CDH7: variants seen among roughly 807,000 people sequenced by gnomAD.
CDH7 encodes cadherin-7.
In CDH7, 25 loss-of-function variants were observed where a neutral mutation model predicts 71.8. The observed-to-expected ratio is 0.35, with a 90% CI of 0.25 to 0.49. The LOEUF is 0.49. CDH7 is among the 20% of genes least tolerant of loss of function. CDH7 has a pLI of 0.99. For missense variants in CDH7, 862 were observed against 974.6 expected (o/e 0.88, Z 1.54); for synonymous variants, 381 against 363.8 (o/e 1.05, Z -0.54).
intron 2 of CDH7, among the ~76,000 whole-genome samples, chr18:65,807,586 A>G (rs997571831): frequency 3.3e-5 from 5 of 152,248 alleles, no homozygotes; most frequent in Admixed American, 1.3e-4. Flanking sequence ...AGTTGCTACC[A>G]GGTGCCGCCC....
intron 11 of CDH7, 76 bp from the exon 12 acceptor site, chr18:65,880,325 C>G (rs1045939743): frequency 1.1e-4 from 154 of 1,435,934 alleles, no homozygotes; most frequent in Non-Finnish European, 1.4e-4. Context: ...ACTCAGCGTC[C>G]TAGGCCTAAT....
chr18:65,790,774 C>G (rs1215870730), intron 2 of CDH7, among the ~76,000 whole-genome samples: 1 of 152,132 alleles, frequency 6.6e-6, no homozygotes, highest in African/African-American at 2.4e-5. Context: ...GAGGCTGAGG[C>G]AAGAGAATCA....
chr18:65,849,356 TTTC>T (rs1913053438), intron 7 of CDH7, among the ~76,000 whole-genome samples: 1 of 24,524 alleles, frequency 4.1e-5, no homozygotes, highest in African/African-American at 2.4e-4. Flanking sequence ...TTTCTTTTCT[TTTC>T]TTTTCTTTTC....
intron 2 of CDH7, among the ~76,000 whole-genome samples, chr18:65,765,745 T>C (rs1286007514): frequency 1.3e-5 from 2 of 152,122 alleles, no homozygotes; most frequent in Non-Finnish European, 2.9e-5. Flanking sequence ...CTTGATCACA[T>C]AATGGATAAC....
In CDH7 at chr18:65,809,867, T is replaced by G. The variant is rs758785817; in HGVS notation, c.374T>G (p.Leu125Arg). Reference sequence around the variant, plus strand: ...TACTACACGCTCCGAGCTCAAGCGCTGGATAGGCTCACCAACAAACCCGTG... The same window carrying G: ...TACTACACGCTCCGAGCTCAAGCGCGGGATAGGCTCACCAACAAACCCGTG... ...QAYYTLRAQA[L>R]DRLTNKPVEP... The change falls in exon 3 of 12, where the codon CTG becomes CGG. Residue 125 changes from leucine to arginine, a missense_variant. By Grantham distance (102) the Leu-to-Arg change is moderately radical. Transcript: ENST00000397968. The G allele has an allele frequency of 3.1e-6, 5 of 1,614,002 alleles. No homozygotes were observed. Among genetic ancestry groups the G allele is most frequent in the Non-Finnish European group, 4.2e-6 (5 of 1,179,992 alleles).
At chr18:65,863,736 T>G (rs1220021930) in intron 11 of CDH7, 1 of 152,232 alleles carries the variant, frequency 6.6e-6, no homozygotes, top group East Asian at 1.9e-4. Context: ...CTAACACATT[T>G]AATTGTACAT....
At chr18:65,877,267 T>A (rs530628726) in intron 11 of CDH7, among the ~76,000 whole-genome samples, 43 of 152,252 alleles carry the variant, frequency 2.8e-4, no homozygotes, top group African/African-American at 1.0e-3. Context: ...TGATGTGTAT[T>A]GTACCTTAGG....
chr18:65,824,308 A>G (rs1277723794), intron 5 of CDH7, among the ~76,000 whole-genome samples: 1 of 151,862 alleles, frequency 6.6e-6, no homozygotes, highest in African/African-American at 2.4e-5. Flanking sequence ...ATATTGAATT[A>G]CATTTACTAA....
chr18:65,783,132 G>C (rs1910375835), intron 2 of CDH7, among the ~76,000 whole-genome samples: 1 of 152,150 alleles, frequency 6.6e-6, no homozygotes, highest in Non-Finnish European at 1.5e-5. Context: ...TTGAGTAGAT[G>C]AATTGCCAAA....
At chr18:65,759,751 T>A (rs1017657302) in intron 1 of CDH7, among the ~76,000 whole-genome samples, 1 of 152,170 alleles carries the variant, frequency 6.6e-6, no homozygotes, top group Non-Finnish European at 1.5e-5. Context: ...TCGTACAAAG[T>A]GGTGGAGCTT....
intron 1 of CDH7, among the ~76,000 whole-genome samples, chr18:65,758,785 C>G (rs1006940515): frequency 6.6e-6 from 1 of 152,096 alleles, no homozygotes; most frequent in Non-Finnish European, 1.5e-5. Context: ...ACTTGTTATA[C>G]GGTTAACTTT....
intron 6 of CDH7, among the ~76,000 whole-genome samples, chr18:65,834,939 T>C (rs183674043): frequency 2.6e-5 from 4 of 152,354 alleles, no homozygotes; most frequent in Admixed American, 2.0e-4. Flanking sequence ...CCTGGTGCTT[T>C]AATTTCCTTA....
intron 7 of CDH7, among the ~76,000 whole-genome samples, chr18:65,850,496 C>G (rs1180897442): frequency 6.6e-6 from 1 of 151,666 alleles, no homozygotes; most frequent in Non-Finnish European, 1.5e-5. Flanking sequence ...GGGTAGCAGG[C>G]TCTTCAGAAC....
At chr18:65,874,295 A>G (rs1333359187) in intron 11 of CDH7, among the ~76,000 whole-genome samples, 1 of 152,220 alleles carries the variant, frequency 6.6e-6, no homozygotes, top group African/African-American at 2.4e-5. Context: ...GTTTTAGGCT[A>G]GGAAAAAACC....
At chr18:65,837,517 T>G (rs1912572335) in intron 6 of CDH7, among the ~76,000 whole-genome samples, 3 of 152,198 alleles carry the variant, frequency 2.0e-5, no homozygotes, top group African/African-American at 4.8e-5. Flanking sequence ...TCCTTGATGG[T>G]AAAATTTCAT....
intron 7 of CDH7, among the ~76,000 whole-genome samples, chr18:65,852,887 G>A (rs1913200640): frequency 6.6e-6 from 1 of 152,138 alleles, no homozygotes; most frequent in Non-Finnish European, 1.5e-5. Context: ...ATCCTGCAAA[G>A]AGAAAAGTTC....
chr18:65,771,788 TTC>T (rs1271647476), intron 2 of CDH7, among the ~76,000 whole-genome samples: 1 of 152,134 alleles, frequency 6.6e-6, no homozygotes, highest in East Asian at 1.9e-4. Flanking sequence ...GAGAATTACC[TTC>T]TGTCCTTTTG....
intron 2 of CDH7, among the ~76,000 whole-genome samples, chr18:65,785,860 A>C (rs184221682): frequency 3.5e-4 from 53 of 152,230 alleles, no homozygotes; most frequent in African/African-American, 9.9e-4. Flanking sequence ...ACTTTTCAAC[A>C]TAAGAAATAT....
intron 2 of CDH7, among the ~76,000 whole-genome samples, chr18:65,780,491 A>T (rs1003347103): frequency 5.1e-5 from 7 of 137,022 alleles, no homozygotes; most frequent in Non-Finnish European, 1.1e-4. Context: ...ATAAGGTGTA[A>T]GGAAGGGATC....
Sources: gnomAD v4.1 joint callset for allele counts (sites outside exome capture counted in the v4.1 genomes callset) on GRCh38, gnomAD v4.1.1 for gene constraint, MANE v1.5 for transcripts, NCBI Gene and HGNC (gene_info 2026-07-23, HGNC 2026-07-21) for gene names.